Variants in CENPE observed in about 807,000 individuals in gnomAD.
CENPE encodes centromere protein E, also known as centromere-associated protein E.
A neutral mutation model predicts 336.1 loss-of-function variants in CENPE; 145 were observed. That is an observed-to-expected ratio of 0.43 (90% CI 0.38 to 0.50). CENPE has a LOEUF of 0.50. Among genes scored for constraint, CENPE ranks in the 20% least tolerant of loss-of-function variants. The pLI is 0.00. For synonymous variants in CENPE, 1,013 were observed against 984.8 expected (o/e 1.03, Z -0.54); for missense variants, 2,719 against 3,023.3 (o/e 0.90, Z 2.36).
intron 42 of CENPE, among the ~76,000 whole-genome samples, chr4:103,129,538 A>G (rs1751405491): frequency 6.6e-6 from 1 of 152,040 alleles, no homozygotes; most frequent in East Asian, 1.9e-4. Flanking sequence ...GGAGTTCGAG[A>G]CCAGCCTGAC....
Position 103,149,265 on chromosome 4 carries a change from C to T in CENPE, c.3540G>A (p.Glu1180=). ...TAAGTTTCTGAGCCAACTCAAGCCT[C>T]TCTGTTTCCATATGTTCCAATGTCA... The part of the protein sequence containing the change: ...KELTLEHMET[E]RLELAQKLNE... The change falls in exon 27 of 49, where the codon GAG becomes GAA. Residue 1180 remains glutamate (E), a synonymous_variant. Transcript: ENST00000265148. 1 of 1,613,166 alleles carries T rather than the reference C, an allele frequency of 6.2e-7. No individual in the cohort carries two copies. Among genetic ancestry groups the T allele is most frequent in the African/African-American group, 1.3e-5 (1 of 75,030 alleles).
chr4:103,131,656 T>C (rs919226379), intron 42 of CENPE, among the ~76,000 whole-genome samples: 1 of 152,226 alleles, frequency 6.6e-6, no homozygotes, highest in Non-Finnish European at 1.5e-5. Flanking sequence ...TACATATGTA[T>C]GTTTATAGCA....
At chr4:103,128,776 G>A (rs1751343642) in intron 42 of CENPE, among the ~76,000 whole-genome samples, 1 of 152,026 alleles carries the variant, frequency 6.6e-6, no homozygotes, top group Non-Finnish European at 1.5e-5. Flanking sequence ...TAGAAAAGAG[G>A]AAAGACCTAA....
intron 42 of CENPE, among the ~76,000 whole-genome samples, chr4:103,130,956 C>G (rs116737179): frequency 8.2e-4 from 120 of 146,052 alleles, no homozygotes; most frequent in African/African-American, 2.8e-3. Context: ...AAAATTAACT[C>G]AAGATGGATC....
intron 43 of CENPE, 62 bp from the exon 44 acceptor site, chr4:103,120,395 T>G (rs1431205395): frequency 2.2e-6 from 3 of 1,366,656 alleles, no homozygotes; most frequent in Non-Finnish European, 3.0e-6. Flanking sequence ...GTATAGAAAT[T>G]TGAGACAGAG....
chr4:103,125,758 G>A (rs1043017226), intron 42 of CENPE, among the ~76,000 whole-genome samples: 5 of 151,622 alleles, frequency 3.3e-5, no homozygotes, highest in Admixed American at 2.0e-4. Context: ...CCAGTTACTC[G>A]GGAGGCTGAG....
At chr4:103,163,280 A>G in intron 17 of CENPE, 24 bp from the exon 18 acceptor site, 1 of 1,586,936 alleles carries the variant, frequency 6.3e-7, no homozygotes, top group Non-Finnish European at 8.6e-7. Flanking sequence ...AGGAGAGAGT[A>G]ACAATTTAGA....
rs759371124 is a variant in CENPE at position 103,146,118 on chromosome 4, T to A, written c.4135-11A>T. 1.2e-6 allele frequency: 2 copies of A among 1,608,732 alleles called. No homozygotes were observed. Among genetic ancestry groups the A allele is most frequent in the Non-Finnish European group, 1.7e-6 (2 of 1,178,140 alleles). On this transcript the variant is annotated splice_polypyrimidine_tract_variant and intron_variant, in intron 29 of 48. Transcript: ENST00000265148. ...TTGAGACTCCTGGATCTTAAGAGAA[T>A]CATAAAACAGTACAGTTGATATCCA...
At chr4:103,132,650 C>G (rs764002252) in intron 42 of CENPE, 43 bp downstream of exon 42, 11 of 1,030,636 alleles carry the variant, frequency 1.1e-5, no homozygotes, top group Non-Finnish European at 1.6e-5. Context: ...ACAATTAAAG[C>G]AAACAGCAAC....
intron 24 of CENPE, among the ~76,000 whole-genome samples, chr4:103,156,449 T>G (rs1205982821): frequency 6.6e-6 from 1 of 152,136 alleles, no homozygotes; most frequent in Non-Finnish European, 1.5e-5. Flanking sequence ...TCACAGTATC[T>G]TCAACAAGGA....
rs945362834 is a variant in CENPE, at chr4:103,198,141, C to A, written c.56+123G>T. On this transcript the variant is annotated intron_variant, in intron 1 of 48. Coordinates refer to ENST00000265148, the MANE Select transcript of CENPE (RefSeq NM_001813.3). ...CAGACCCTGAAACGATGGCCAGCAG[C>A]CGAGTCACTAGACAGCAGAGCCGGG... 10 of 875,620 alleles carry A rather than the reference C, an allele frequency of 1.1e-5. No individual in the cohort carries two copies. The South Asian group carries it at 1.7e-4, about 15-fold the overall frequency. The allele number at this position is 875,620 out of a possible 1,614,324, so 54.2% of individuals were successfully genotyped here. A position where few individuals can be genotyped will look rare whatever the true frequency, so the allele number is the denominator to read the frequency against.
chr4:103,182,680 C>T lies in CENPE; in HGVS notation c.963+82G>A, dbSNP rs1167634469. ...TAACAGGCGAGTTAATTAAAAAAAA[C>T]TATGCTTAATTTTAGTAGGTAATGT... On this transcript the variant is annotated intron_variant, in intron 11 of 48. Coordinates refer to ENST00000265148, the MANE Select transcript of CENPE (RefSeq NM_001813.3). 7.6e-6 allele frequency: 9 copies of T among 1,180,828 alleles called. No individual in the cohort carries two copies. The African/African-American group carries it at 1.2e-4, about 16-fold the overall frequency. The allele number at this position is 1,180,828 out of a possible 1,614,324, so 73.1% of individuals were successfully genotyped here. A position where few individuals can be genotyped will look rare whatever the true frequency, so the allele number is the denominator to read the frequency against.
In CENPE at chr4:103,123,093, T is replaced by C; in HGVS notation, c.6925-4A>G. On this transcript the variant is annotated splice_polypyrimidine_tract_variant and splice_region_variant and intron_variant, in intron 42 of 48. Transcript: ENST00000265148. ...CTGTTGATTCATTCATTATGGCCTA[T>C]TGAACAGTAAAATACCATTATAGCT... 1 of 1,606,176 alleles carries C rather than the reference T, an allele frequency of 6.2e-7. No homozygotes were observed. The highest frequency in any genetic ancestry group is 8.5e-7 in the Non-Finnish European group (1 of 1,173,076).
chr4:103,180,870 G>A (rs1015073464), intron 12 of CENPE, among the ~76,000 whole-genome samples: 5 of 152,080 alleles, frequency 3.3e-5, no homozygotes, highest in African/African-American at 7.2e-5. Flanking sequence ...TCCTTAATGC[G>A]TGATTTTTTA....
chr4:103,122,150 G>A (rs1258391640), intron 43 of CENPE, among the ~76,000 whole-genome samples: 1 of 152,122 alleles, frequency 6.6e-6, no homozygotes, highest in African/African-American at 2.4e-5. Flanking sequence ...ACTGAGGTCT[G>A]TAATGCCCTA....
chr4:103,165,880 A>G (rs76549358), intron 16 of CENPE, among the ~76,000 whole-genome samples: 1 of 97,766 alleles, frequency 1.0e-5, no homozygotes, highest in Non-Finnish European at 2.3e-5. Context: ...TTTGTGTTTT[A>G]AAAAAAAAAA....
chr4:103,124,618 C>A (rs569135651), intron 42 of CENPE, among the ~76,000 whole-genome samples: 26 of 152,298 alleles, frequency 1.7e-4, no homozygotes, highest in Middle Eastern at 3.4e-3. Flanking sequence ...ATCTGAATAT[C>A]TTGTATTTCT....
chr4:103,111,000 G>A lies in CENPE; in HGVS notation c.7552C>T (p.His2518Tyr). Residue 2518 changes from histidine (H) to tyrosine (Y), a missense_variant, in exon 47 of 49, where the codon CAT becomes TAT. This residue lies in a region of CENPE where 2,437 missense variants were observed against 2,513.3 expected (regional missense o/e 0.97). Coordinates refer to ENST00000265148, the MANE Select transcript of CENPE (RefSeq NM_001813.3). ...TTATTTGAAGGCTGAGGATCAGTAT[G>A]TTCTGATATCACTGTGGGAGGAAAA... ...QAQDTSVISE[H>Y]TDPQPSNKPL... The A allele has an allele frequency of 6.3e-7, 1 of 1,580,454 alleles. No individual in the cohort carries two copies.
intron 44 of CENPE, among the ~76,000 whole-genome samples, chr4:103,119,408 AT>A (rs1217710298): frequency 6.6e-6 from 1 of 152,170 alleles, no homozygotes; most frequent in Non-Finnish European, 1.5e-5. Context: ...TTACAGTTGA[AT>A]TTTTTTAGTT....
Sources: allele counts gnomAD v4.1 joint callset (sites outside exome capture counted in the v4.1 genomes callset), GRCh38; gene constraint gnomAD v4.1.1; regional missense constraint gnomAD v4.1.1; transcripts MANE v1.5; gene names NCBI Gene and HGNC (gene_info 2026-07-23, HGNC 2026-07-21).